Variants in FCN2 observed in about 807,000 individuals in gnomAD.
FCN2 encodes ficolin-2.
In FCN2, 31 loss-of-function variants were observed where a neutral mutation model predicts 32.5. The ratio of observed to expected loss-of-function variants is 0.96; its 90% CI spans 0.72 to 1.29. The LOEUF (loss-of-function observed/expected upper bound fraction) is 1.29, where lower values mean the gene tolerates loss of function less well. Ranked by LOEUF, FCN2 falls within the 50% of genes most tolerant of loss-of-function variation. The probability of loss-of-function intolerance (pLI) is 0.00; values close to 1 mark genes in which losing one functional copy is unlikely to be tolerated. For missense variants in FCN2, 412 were observed against 406.5 expected, an observed-to-expected ratio of 1.01 and a Z score of -0.12; for synonymous variants, 181 against 164.5, an observed-to-expected ratio of 1.10 and a Z score of -0.77.
In FCN2 at chr9:134,885,351, C is replaced by A. The variant is rs768992885; in HGVS notation, c.414C>A (p.Asp138Glu). 3.1e-6 allele frequency: 5 copies of A among 1,613,704 alleles called. No individual in the cohort carries two copies. The highest frequency in any genetic ancestry group is 4.2e-6 in the Non-Finnish European group (5 of 1,179,942). Residue 138 changes from aspartate (D) to glutamate (E), a missense_variant, in exon 5 of 8, where the codon GAC (aspartate) becomes GAA (glutamate). Asp to Glu is a conservative substitution (Grantham distance 45). Coordinates refer to ENST00000291744, the MANE Select transcript of FCN2 (RefSeq NM_004108.3). The part of the protein sequence containing the change: ...PLTVLCDMDT[D>E]GGGWTVFQRR... ...CTGTGCTCTGTGACATGGACACGGACGGAGGGGGCTGGACCGTGAGTGTGG... is the reference window on the plus strand; with the variant it reads ...CTGTGCTCTGTGACATGGACACGGAAGGAGGGGGCTGGACCGTGAGTGTGG...
chr9:134,868,514 G>C, the FCN2 span: 4 of 155,102 alleles, frequency 2.6e-5, no homozygotes, highest in African/African-American at 9.6e-5. This position sits in a 1 kb window ranked among gnomAD's most constrained non-coding sequence, Gnocchi z 4.3. Flanking sequence ...ACACACCCTG[G>C]CTGGAGGAGC....
the FCN2 span, among the ~76,000 whole-genome samples, chr9:134,873,222 G>T: frequency 6.6e-6 from 1 of 151,944 alleles, no homozygotes; most frequent in Non-Finnish European, 1.5e-5. Context: ...GCCTATTGCT[G>T]CTGTAAGATA....
At chr9:134,874,106 G>T in the FCN2 span, among the ~76,000 whole-genome samples, 1 of 152,056 alleles carries the variant, frequency 6.6e-6, no homozygotes, top group Non-Finnish European at 1.5e-5. Flanking sequence ...AATAGAGACA[G>T]GGTTTCACCG....
intron 3 of FCN2, among the ~76,000 whole-genome samples, 156 bp from the exon 4 acceptor site, chr9:134,884,584 A>C (rs1830715228): frequency 6.6e-6 from 1 of 152,154 alleles, no homozygotes; most frequent in African/African-American, 2.4e-5. Context: ...GGGAAAGAAA[A>C]ATTTGGTCAA....
At chr9:134,878,730 CT>C (rs1231057312), upstream of FCN2, among the ~76,000 whole-genome samples, 1 of 152,074 alleles carries the variant, frequency 6.6e-6, no homozygotes, top group Non-Finnish European at 1.5e-5. Context: ...GTAATTCCAG[CT>C]ACTCGGGAGG....
chr9:134,886,344 C>A, intron 6 of FCN2, 86 bp from the exon 7 acceptor site: 2 of 1,540,190 alleles, frequency 1.3e-6, no homozygotes, highest in South Asian at 1.1e-5. Context: ...TCCAGACCTC[C>A]TTCCAGGCCC....
At chr9:134,869,447 C>A in the FCN2 span, among the ~76,000 whole-genome samples, 11,092 of 152,248 alleles carry the variant, frequency 0.073, 452 homozygotes, top group Middle Eastern at 0.12. Flanking sequence ...CTCCTGGGAC[C>A]AGCTGCCCTG....
At chr9:134,884,897 C>T (rs960600686) in intron 4 of FCN2, 125 bp downstream of exon 4, 23 of 905,014 alleles carry the variant, frequency 2.5e-5, no homozygotes, top group South Asian at 9.8e-5. Flanking sequence ...GTTGCTTGCC[C>T]GTTTCCTTGT....
At chr9:134,876,344 G>T (rs1217403680), upstream of FCN2, among the ~76,000 whole-genome samples, 1 of 152,160 alleles carries the variant, frequency 6.6e-6, no homozygotes, top group Admixed American at 6.5e-5. Flanking sequence ...GGGAAGAATT[G>T]CTATTATTTC....
chr9:134,886,481 T>G lies in FCN2; in HGVS notation c.611T>G (p.Phe204Cys). The G allele has an allele frequency of 1.2e-6, 2 of 1,614,126 alleles. No homozygotes were observed. The highest frequency in any genetic ancestry group is 4.5e-5 in the East Asian group (2 of 44,876). The change falls in exon 7 of 8, where the codon TTT becomes TGT. Residue 204 changes from phenylalanine (F) to cysteine (C), a missense_variant. Transcript: ENST00000291744. ...DLVDFEDNYQ[F>C]AKYRSFKVAD... ...GTGGACTTTGAGGACAACTACCAGTTTGCTAAGTACAGATCATTCAAGGTG... is the reference window on the plus strand; with the variant it reads ...GTGGACTTTGAGGACAACTACCAGTGTGCTAAGTACAGATCATTCAAGGTG...
At chr9:134,879,195 C>T (rs1288228388), upstream of FCN2, among the ~76,000 whole-genome samples, 1 of 152,198 alleles carries the variant, frequency 6.6e-6, no homozygotes, top group Non-Finnish European at 1.5e-5. Flanking sequence ...TGCACTCTGC[C>T]AAATCAATTA....
chr9:134,885,225 G>T lies in FCN2; in HGVS notation c.302-14G>T, dbSNP rs778737181. On this transcript the variant is annotated splice_polypyrimidine_tract_variant and intron_variant, in intron 4 of 7. Coordinates refer to ENST00000291744, the MANE Select transcript of FCN2 (RefSeq NM_004108.3). ...GCTCCTGTCCTGCAGCCATTCCCCGGGTTCCCTTCCCAGGCCCGCGTACCT... is the reference window on the plus strand; with the variant it reads ...GCTCCTGTCCTGCAGCCATTCCCCGTGTTCCCTTCCCAGGCCCGCGTACCT... The T allele has an allele frequency of 1.3e-5, 21 of 1,613,914 alleles. No individual in the cohort carries two copies. The highest frequency in any genetic ancestry group is 1.6e-4 in the Middle Eastern group (1 of 6,084).
At chr9:134,864,994 G>A in the FCN2 span, among the ~76,000 whole-genome samples, 2 of 152,338 alleles carry the variant, frequency 1.3e-5, no homozygotes, top group South Asian at 2.1e-4. Context: ...CCCACCAGCT[G>A]TGTGAGGAGG....
the FCN2 span, among the ~76,000 whole-genome samples, chr9:134,872,502 C>T: frequency 2.6e-5 from 4 of 152,248 alleles, no homozygotes; most frequent in African/African-American, 7.2e-5. Context: ...TCACACTGCT[C>T]GTAAAGATTG....
chr9:134,886,546 T>G lies in FCN2; in HGVS notation c.676T>G (p.Phe226Val). ...GAAGTACAATCTGGTCCTGGGGGCC[T>G]TCGTGGAGGGCAGTGCGGGTGAGTG... ...AEKYNLVLGA[F>V]VEGSAGDSLT... The change falls in exon 7 of 8, where the codon TTC becomes GTC. Residue 226 changes from phenylalanine to valine, a missense_variant. Physicochemically the swap from Phe to Val is conservative, Grantham distance 50. Coordinates refer to ENST00000291744, the MANE Select transcript of FCN2 (RefSeq NM_004108.3). 6.2e-7 allele frequency: 1 copy of G among 1,613,966 alleles called. No homozygotes were observed. The highest frequency in any genetic ancestry group is 1.1e-5 in the South Asian group (1 of 91,060).
At chr9:134,871,733 A>G in the FCN2 span, among the ~76,000 whole-genome samples, 1 of 152,192 alleles carries the variant, frequency 6.6e-6, no homozygotes, top group African/African-American at 2.4e-5. Flanking sequence ...GGAAAGAGCC[A>G]TCGGAAAGCT....
chr9:134,885,416 A>G (rs1320435455), intron 5 of FCN2, 50 bp downstream of exon 5: 1 of 1,601,406 alleles, frequency 6.2e-7, no homozygotes, highest in Non-Finnish European at 8.5e-7. Context: ...CCCGGAGGCC[A>G]GGCTGCACAC....
chr9:134,874,073 C>T, the FCN2 span, among the ~76,000 whole-genome samples: 1 of 151,964 alleles, frequency 6.6e-6, no homozygotes, highest in Non-Finnish European at 1.5e-5. Context: ...TGCCACCACA[C>T]GCGGCTAATT....
chr9:134,883,889 G>C (rs994345653), intron 3 of FCN2, among the ~76,000 whole-genome samples: 5 of 149,926 alleles, frequency 3.3e-5, no homozygotes, highest in African/African-American at 1.2e-4. Context: ...TTCTCAGGTA[G>C]GGGAAGGTTT....
Sources: gnomAD v4.1 joint callset for allele counts (sites outside exome capture counted in the v4.1 genomes callset) on GRCh38, gnomAD v4.1.1 for gene constraint, Gnocchi (gnomAD v3.1) non-coding constraint, MANE v1.5 for transcripts, NCBI Gene and HGNC (gene_info 2026-07-23, HGNC 2026-07-21) for gene names.